MBNL2: variants seen among roughly 807,000 people sequenced by gnomAD.
MBNL2 encodes the protein muscleblind like splicing regulator 2, also known as muscleblind-like protein 2.
In MBNL2, 17 loss-of-function variants were observed where a neutral mutation model predicts 41.9. The ratio of observed to expected loss-of-function variants is 0.41; its 90% confidence interval spans 0.28 to 0.61. The LOEUF is 0.61. MBNL2 is among the 20% of genes least tolerant of loss of function. The probability of loss-of-function intolerance (pLI) is 0.35; values close to 1 mark genes in which losing one functional copy is unlikely to be tolerated. For synonymous variants in MBNL2, 195 were observed against 182.9 expected, an observed-to-expected ratio of 1.07 and a Z score of -0.53; for missense variants, 336 against 505.6, an observed-to-expected ratio of 0.66 and a Z score of 3.22.
At chr13:97,294,985 G>T (rs185443517) in intron 2 of MBNL2, among the ~76,000 whole-genome samples, 1 of 152,240 alleles carries the variant, frequency 6.6e-6, no homozygotes, top group Admixed American at 6.5e-5. Flanking sequence ...TAACCACCCA[G>T]TTATTGCCAG....
chr13:97,177,815 A>G, the MBNL2 span, among the ~76,000 whole-genome samples: 1 of 152,242 alleles, frequency 6.6e-6, no homozygotes, highest in Admixed American at 6.5e-5. Flanking sequence ...AGGGTCAAGA[A>G]TTAGAATAAC....
At chr13:97,287,196 C>T (rs769847933) in intron 2 of MBNL2, among the ~76,000 whole-genome samples, 2 of 152,118 alleles carry the variant, frequency 1.3e-5, no homozygotes, top group Non-Finnish European at 2.9e-5. Context: ...AAAAGCAGGT[C>T]ACATGGAGAC....
intron 8 of MBNL2, among the ~76,000 whole-genome samples, chr13:97,388,799 T>C (rs1266635133): frequency 6.6e-6 from 1 of 152,066 alleles, no homozygotes; most frequent in African/African-American, 2.4e-5. Context: ...GCTGTATTTC[T>C]CAGGAAAAAA....
the MBNL2 span, among the ~76,000 whole-genome samples, chr13:97,151,775 A>C: frequency 4.6e-5 from 7 of 152,208 alleles, no homozygotes; most frequent in African/African-American, 1.7e-4. Flanking sequence ...AGCAGCCAGG[A>C]TAATACCTTT....
At chr13:97,298,981 T>C (rs1333370115) in intron 2 of MBNL2, among the ~76,000 whole-genome samples, 1 of 152,164 alleles carries the variant, frequency 6.6e-6, no homozygotes, top group East Asian at 1.9e-4. Context: ...TCTCATAGTA[T>C]AATGATCATA....
At chr13:97,372,852 T>A (rs2064519821) in intron 8 of MBNL2, among the ~76,000 whole-genome samples, 1 of 152,200 alleles carries the variant, frequency 6.6e-6, no homozygotes, top group Admixed American at 6.5e-5. Flanking sequence ...TTATTTCATC[T>A]CTCATCTCAG....
chr13:97,375,572 G>A (rs1277701302), intron 8 of MBNL2, among the ~76,000 whole-genome samples: 1 of 152,190 alleles, frequency 6.6e-6, no homozygotes. Flanking sequence ...GCTTACCCAT[G>A]CACCAGCCAT....
the MBNL2 span, among the ~76,000 whole-genome samples, chr13:97,149,584 T>A: frequency 6.6e-6 from 1 of 152,146 alleles, no homozygotes; most frequent in Non-Finnish European, 1.5e-5. Context: ...CCTCCTTTTT[T>A]ACCTACTTTT....
chr13:97,271,471 C>CAA, intron 1 of MBNL2, among the ~76,000 whole-genome samples: 1 of 147,220 alleles, frequency 6.8e-6, no homozygotes, highest in African/African-American at 2.6e-5. Context: ...AAAAACAAAA[C>CAA]AAAAAAAAAC....
At chr13:97,291,820 G>T (rs1366443139) in intron 2 of MBNL2, among the ~76,000 whole-genome samples, 1 of 149,998 alleles carries the variant, frequency 6.7e-6, no homozygotes, top group Non-Finnish European at 1.5e-5. Context: ...GCTTGAACCT[G>T]GGAGGCGGAG....
At chr13:97,339,872 G>GT (rs1566427237) in intron 3 of MBNL2, among the ~76,000 whole-genome samples, 5 of 124,992 alleles carry the variant, frequency 4.0e-5, no homozygotes, top group Non-Finnish European at 8.6e-5. Context: ...TTTGTGTGTG[G>GT]GCGGGGGGGG....
rs1224420932 is a variant in MBNL2 at position 97,256,111 on chromosome 13, CAAAAT to C, written c.-604-19516_-604-19512del. ...ATATTTAAAAGGAGATAAAAGAAGA[CAAAAT>C]AAAAAAAATTATTGCAAGGCTGACA... On this transcript the variant is annotated intron_variant, in intron 1 of 8. Coordinates refer to ENST00000679496, the MANE Select transcript of MBNL2 (RefSeq NM_001382683.1). 2.6e-5 allele frequency among the ~76,000 whole-genome samples: 4 copies of C among 151,216 alleles called. No homozygotes were observed. In the South Asian group the frequency reaches 6.3e-4, roughly 24 times the overall value.
intron 5 of MBNL2, among the ~76,000 whole-genome samples, chr13:97,348,786 C>T (rs1174358542): frequency 6.6e-6 from 1 of 152,194 alleles, no homozygotes; most frequent in African/African-American, 2.4e-5. Context: ...GCCATCACCT[C>T]AGCCATCACC....
the MBNL2 span, among the ~76,000 whole-genome samples, chr13:97,194,583 C>T: frequency 1.3e-5 from 2 of 152,040 alleles, no homozygotes; most frequent in African/African-American, 2.4e-5. Flanking sequence ...GCTGCATTCC[C>T]GGGAGGTTAG....
At chr13:97,187,745 A>G in the MBNL2 span, among the ~76,000 whole-genome samples, 2 of 151,916 alleles carry the variant, frequency 1.3e-5, no homozygotes, top group Non-Finnish European at 2.9e-5. Flanking sequence ...GTCTCTACTA[A>G]AAATACAAAA....
At chr13:97,302,712 T>C (rs897898256) in intron 2 of MBNL2, among the ~76,000 whole-genome samples, 3 of 152,182 alleles carry the variant, frequency 2.0e-5, no homozygotes, top group Non-Finnish European at 4.4e-5. Flanking sequence ...ACAGAGAAAC[T>C]TCTAGGAGGC....
chr13:97,330,354 C>T (rs562693668), intron 2 of MBNL2, among the ~76,000 whole-genome samples: 36 of 152,288 alleles, frequency 2.4e-4, no homozygotes, highest in Admixed American at 1.8e-3. Flanking sequence ...TTCACAAGCA[C>T]TCTGCAATGG....
At chr13:97,213,653 TC>T in the MBNL2 span, among the ~76,000 whole-genome samples, 1 of 152,146 alleles carries the variant, frequency 6.6e-6, no homozygotes, top group African/African-American at 2.4e-5. Context: ...CCCATCTACA[TC>T]TTGCTTATCT....
At chr13:97,219,064 G>A (rs984931425), upstream of MBNL2, among the ~76,000 whole-genome samples, 2 of 152,160 alleles carry the variant, frequency 1.3e-5, no homozygotes, top group Non-Finnish European at 2.9e-5. Flanking sequence ...AGAATAGTCC[G>A]TGGACAAGAG....
Sources: allele counts gnomAD v4.1 joint callset (sites outside exome capture counted in the v4.1 genomes callset), GRCh38; gene constraint gnomAD v4.1.1; transcripts MANE v1.5; gene names NCBI Gene and HGNC (gene_info 2026-07-23, HGNC 2026-07-21).